Variants in GRIK3 observed in about 807,000 individuals in gnomAD.
The protein encoded by GRIK3 is glutamate receptor ionotropic, kainate 3.
Under a neutral mutation model 102.5 loss-of-function variants are expected in GRIK3, and 29 were observed. The ratio of observed to expected loss-of-function variants is 0.28; its 90% confidence interval spans 0.21 to 0.39. The LOEUF is 0.39. Among genes scored for constraint, GRIK3 ranks in the 10% least tolerant of loss-of-function variants. The pLI, the probability that GRIK3 is intolerant of heterozygous loss-of-function variation, is 1.00. For synonymous variants in GRIK3, 511 were observed against 504.9 expected (o/e 1.01, Z -0.16); for missense variants, 908 against 1,252.4 (o/e 0.73, Z 4.15).
In GRIK3 at chr1:37,013,101, C is replaced by T. The variant is rs534549287; in HGVS notation, c.115+20893G>A. Reference sequence around the variant, plus strand: ...CAATCATGGCAGAAGGTAAAAGGCACGTCTTACATGGTGACAGGCAAGAGA... The same window carrying T: ...CAATCATGGCAGAAGGTAAAAGGCATGTCTTACATGGTGACAGGCAAGAGA... On this transcript the variant is annotated intron_variant, in intron 1 of 15. Transcript: ENST00000373091. Among the ~76,000 whole-genome samples, 11 of 152,250 alleles carry T rather than the reference C, an allele frequency of 7.2e-5. 1 individual carries two copies. In the East Asian group the frequency reaches 1.9e-3, roughly 27 times the overall value.
At chr1:36,942,324 G>A (rs1359567562) in intron 1 of GRIK3, among the ~76,000 whole-genome samples, 2 of 152,230 alleles carry the variant, frequency 1.3e-5, no homozygotes, top group Admixed American at 1.3e-4. Flanking sequence ...GGAAAGGGCC[G>A]AGCTGATAGC....
chr1:36,995,664 C>T (rs1030270688), intron 1 of GRIK3, among the ~76,000 whole-genome samples: 41 of 152,312 alleles, frequency 2.7e-4, no homozygotes, highest in African/African-American at 9.4e-4. Context: ...ACACAGTTTC[C>T]TCAGGAACCA....
chr1:36,900,979 A>C (rs1351765459), intron 1 of GRIK3, among the ~76,000 whole-genome samples: 1 of 152,222 alleles, frequency 6.6e-6, no homozygotes, highest in Non-Finnish European at 1.5e-5. Flanking sequence ...AATTTGTCAA[A>C]ATTCATGCAA....
At chr1:36,974,799 C>CAAA (rs60896978) in intron 1 of GRIK3, among the ~76,000 whole-genome samples, 26,920 of 99,986 alleles carry the variant, frequency 0.27, 3,264 homozygotes, top group African/African-American at 0.37. Flanking sequence ...GACTCTGTCT[C>CAAA]AAAAAAAAAA....
At chr1:36,994,326 T>C (rs571150819) in intron 1 of GRIK3, among the ~76,000 whole-genome samples, 1 of 152,386 alleles carries the variant, frequency 6.6e-6, no homozygotes, top group East Asian at 1.9e-4. Flanking sequence ...ACCTGTTAGG[T>C]AATACAGGCT....
At chr1:36,900,497 A>G (rs78619009) in intron 1 of GRIK3, among the ~76,000 whole-genome samples, 2,991 of 152,330 alleles carry the variant, frequency 0.02, 93 homozygotes, top group African/African-American at 0.067. Context: ...AAATATTTTG[A>G]ACTAAATAAA....
intron 10 of GRIK3, among the ~76,000 whole-genome samples, chr1:36,832,328 G>A (rs569557430): frequency 6.6e-6 from 1 of 152,306 alleles, no homozygotes; most frequent in East Asian, 1.9e-4. Flanking sequence ...GTTTAGACGA[G>A]GCACCCAGCG....
At chr1:36,949,508 GT>G (rs1284832203) in intron 1 of GRIK3, among the ~76,000 whole-genome samples, 2 of 149,312 alleles carry the variant, frequency 1.3e-5, no homozygotes, top group Non-Finnish European at 3.0e-5. Context: ...CATCTTTATT[GT>G]GCTCTTATTG....
chr1:36,920,121 G>A (rs1641449953), intron 1 of GRIK3, among the ~76,000 whole-genome samples: 1 of 152,222 alleles, frequency 6.6e-6, no homozygotes, highest in South Asian at 2.1e-4. Flanking sequence ...GGTCTGTCCT[G>A]AAGCTGGTCG....
chr1:36,835,706 C>A (rs1640368927), intron 10 of GRIK3, among the ~76,000 whole-genome samples: 1 of 152,206 alleles, frequency 6.6e-6, no homozygotes, highest in African/African-American at 2.4e-5. Flanking sequence ...GGGGAGCTTG[C>A]ATGTTTCAGC....
At chr1:36,820,461 T>C (rs1023925639) in intron 11 of GRIK3, among the ~76,000 whole-genome samples, 1 of 152,216 alleles carries the variant, frequency 6.6e-6, no homozygotes, top group Non-Finnish European at 1.5e-5. Context: ...CAGTGCTTTA[T>C]GTATACTCAT....
At chr1:36,887,852 G>T (rs991535074) in intron 2 of GRIK3, among the ~76,000 whole-genome samples, 1 of 150,934 alleles carries the variant, frequency 6.6e-6, no homozygotes, top group Non-Finnish European at 1.5e-5. Context: ...TATATAATGA[G>T]ACTCACTACA....
chr1:36,975,869 A>G (rs1427741732), intron 1 of GRIK3, among the ~76,000 whole-genome samples: 1 of 152,190 alleles, frequency 6.6e-6, no homozygotes, highest in Non-Finnish European at 1.5e-5. Flanking sequence ...CGTCTACCCC[A>G]TTCCTTTCTG....
chr1:36,824,735 G>A lies in GRIK3; in HGVS notation c.1754+868C>T, dbSNP rs142643198. On this transcript the variant is annotated intron_variant, in intron 11 of 15. Transcript: ENST00000373091. The stretch of plus-strand genomic sequence containing the variant: ...GAAGGCAGAGGGCTCCGCTGGAAAG[G>A]GGTGGGGAGCGGGCCCCAGCAGCCA... Among the ~76,000 whole-genome samples, 1,023 of 152,300 alleles carry A rather than the reference G, an allele frequency of 6.7e-3. 9 individuals carry two copies. Among genetic ancestry groups the A allele is most frequent in the Admixed American group, 0.011 (175 of 15,302 alleles).
At chr1:36,989,631 G>C (rs1198505472) in intron 1 of GRIK3, among the ~76,000 whole-genome samples, 1 of 152,134 alleles carries the variant, frequency 6.6e-6, no homozygotes, top group Non-Finnish European at 1.5e-5. Flanking sequence ...TCCTCCTGGG[G>C]GACCAAGTCT....
chr1:36,865,677 T>G (rs1045461873), intron 5 of GRIK3, among the ~76,000 whole-genome samples: 1 of 152,126 alleles, frequency 6.6e-6, no homozygotes, highest in African/African-American at 2.4e-5. Context: ...TTCCCGACCC[T>G]CAGATTGTGT....
chr1:36,910,483 C>G (rs756512951), intron 1 of GRIK3, among the ~76,000 whole-genome samples: 1 of 152,214 alleles, frequency 6.6e-6, no homozygotes, highest in Non-Finnish European at 1.5e-5. Flanking sequence ...CTCTCTGCTG[C>G]GCCTTAGCCA....
chr1:36,856,169 G>A (rs780128319), intron 7 of GRIK3, among the ~76,000 whole-genome samples: 15 of 152,196 alleles, frequency 9.9e-5, no homozygotes, highest in South Asian at 2.1e-4. Context: ...CAGTCCCTCC[G>A]CCTTCTCTCC....
intron 1 of GRIK3, among the ~76,000 whole-genome samples, chr1:36,975,485 AG>A (rs1642186983): frequency 6.6e-6 from 1 of 152,066 alleles, no homozygotes; most frequent in South Asian, 2.1e-4. Flanking sequence ...TAGTAGAGAC[AG>A]GGTTTCACTG....
Sources: gnomAD v4.1 joint callset for allele counts (sites outside exome capture counted in the v4.1 genomes callset) on GRCh38, gnomAD v4.1.1 for gene constraint, MANE v1.5 for transcripts, NCBI Gene and HGNC (gene_info 2026-07-23, HGNC 2026-07-21) for gene names.